Variants in TSPAN18 observed in about 807,000 individuals in gnomAD.
TSPAN18 encodes tetraspanin 18.
A neutral mutation model predicts 27.3 loss-of-function variants in TSPAN18; 14 were observed. That is an observed-to-expected ratio of 0.51 (90% CI 0.34 to 0.80). TSPAN18 has a LOEUF of 0.80. TSPAN18 is among the 30% of genes least tolerant of loss of function. TSPAN18 has a pLI of 0.01. For synonymous variants in TSPAN18, 143 were observed against 136.5 expected (o/e 1.05, Z -0.33); for missense variants, 268 against 323.9 (o/e 0.83, Z 1.32).
intron 2 of TSPAN18, among the ~76,000 whole-genome samples, chr11:44,780,363 G>C (rs1048403315): frequency 3.9e-5 from 6 of 152,228 alleles, no homozygotes; most frequent in Non-Finnish European, 5.9e-5. Flanking sequence ...CAGGGAGGAT[G>C]GGAAGGTTGA....
chr11:44,766,084 T>A (rs1483733393), intron 2 of TSPAN18, among the ~76,000 whole-genome samples: 1 of 152,242 alleles, frequency 6.6e-6, no homozygotes. Context: ...AATGGCATTT[T>A]CTATTTTGGC....
chr11:44,841,492 G>A (rs1170538883), intron 2 of TSPAN18, among the ~76,000 whole-genome samples: 1 of 147,150 alleles, frequency 6.8e-6, no homozygotes, highest in Non-Finnish European at 1.5e-5. Flanking sequence ...CTCCAGCCTG[G>A]GCAAGAGCAC....
chr11:44,896,560 G>A (rs1859060147), intron 3 of TSPAN18, among the ~76,000 whole-genome samples: 1 of 152,094 alleles, frequency 6.6e-6, no homozygotes, highest in Admixed American at 6.5e-5. Flanking sequence ...CCAAATAGGG[G>A]TGCCAGCTCC....
At chr11:44,912,936 T>TG (rs905906897) in intron 5 of TSPAN18, among the ~76,000 whole-genome samples, 3 of 151,138 alleles carry the variant, frequency 2.0e-5, no homozygotes, top group Admixed American at 6.6e-5. Flanking sequence ...GCATGGGGGT[T>TG]GGGGGGGTTC....
Position 44,840,226 on chromosome 11 carries a change from C to T in TSPAN18, c.-152-20102C>T, listed in dbSNP as rs368071921. Among the ~76,000 whole-genome samples, 11 of 152,246 alleles carry T rather than the reference C, an allele frequency of 7.2e-5. No homozygotes were observed. In the South Asian group the frequency reaches 1.9e-3, roughly 26 times the overall value. ...CTGAGCACTTAAGGAGACTGTTTGGCGAGGGCATGGCACAGTGCCTGGCCT... is the reference window on the plus strand; with the variant it reads ...CTGAGCACTTAAGGAGACTGTTTGGTGAGGGCATGGCACAGTGCCTGGCCT... On this transcript the variant is annotated intron_variant, in intron 2 of 9. Coordinates refer to ENST00000520358, the MANE Select transcript of TSPAN18 (RefSeq NM_130783.5).
At chr11:44,926,965 T>A (rs1860383436) in intron 9 of TSPAN18, among the ~76,000 whole-genome samples, 1 of 152,188 alleles carries the variant, frequency 6.6e-6, no homozygotes, top group Admixed American at 6.5e-5. Context: ...TGGGAGCCAG[T>A]GTCCCAGAAA....
chr11:44,927,196 T>C (rs1860392652), intron 9 of TSPAN18, among the ~76,000 whole-genome samples: 1 of 152,220 alleles, frequency 6.6e-6, no homozygotes, highest in South Asian at 2.1e-4. Context: ...AACGGTGGCC[T>C]TAGCCTCCTT....
rs115231643 is a variant in TSPAN18 at position 44,902,131 on chromosome 11, G to T, written c.-10-4276G>T. Among the ~76,000 whole-genome samples, 1,093 of 152,336 alleles carry T rather than the reference G, an allele frequency of 7.2e-3. 9 individuals are homozygous for T. Among genetic ancestry groups the T allele is most frequent in the African/African-American group, 0.025 (1,042 of 41,566 alleles). On this transcript the variant is annotated intron_variant, in intron 3 of 9. Transcript: ENST00000520358. The stretch of plus-strand genomic sequence containing the variant: ...TGGGTTTATGGTCTAACAGGGAACA[G>T]CAGGCCTATGAGTAACCTATGAAGG...
intron 2 of TSPAN18, among the ~76,000 whole-genome samples, chr11:44,813,587 T>A (rs957991715): frequency 6.6e-6 from 1 of 152,226 alleles, no homozygotes; most frequent in African/African-American, 2.4e-5. Context: ...AAGACCTCTA[T>A]GAACTGGCTT....
chr11:44,862,404 C>G (rs1052118453), intron 3 of TSPAN18, among the ~76,000 whole-genome samples: 2 of 152,252 alleles, frequency 1.3e-5, no homozygotes, highest in African/African-American at 4.8e-5. Context: ...GGCCCTCCCC[C>G]AGTCTCTCTC....
intron 2 of TSPAN18, among the ~76,000 whole-genome samples, chr11:44,773,286 C>T (rs977442633): frequency 3.3e-5 from 5 of 151,954 alleles, no homozygotes; most frequent in African/African-American, 1.2e-4. Context: ...CGTGGTGGCA[C>T]ATGCCTGTAA....
chr11:44,838,971 G>T (rs1261353541), intron 2 of TSPAN18, among the ~76,000 whole-genome samples: 2 of 152,116 alleles, frequency 1.3e-5, no homozygotes, highest in Non-Finnish European at 2.9e-5. Context: ...CCTCATCTAG[G>T]TATTGCTAGA....
chr11:44,741,379 T>C (rs1247023301), intron 1 of TSPAN18, among the ~76,000 whole-genome samples: 2 of 152,134 alleles, frequency 1.3e-5, no homozygotes, highest in African/African-American at 2.4e-5. Flanking sequence ...ATTTAAATAA[T>C]GGGCAATTTT....
intron 2 of TSPAN18, among the ~76,000 whole-genome samples, chr11:44,832,813 T>C (rs1857183790): frequency 6.6e-6 from 1 of 152,124 alleles, no homozygotes; most frequent in Non-Finnish European, 1.5e-5. Flanking sequence ...ACTTCACTTA[T>C]CCAGGTTCAC....
chr11:44,784,078 G>A (rs1465451234), intron 2 of TSPAN18, among the ~76,000 whole-genome samples: 2 of 152,262 alleles, frequency 1.3e-5, no homozygotes, highest in East Asian at 3.9e-4. Flanking sequence ...CTTGACTTGG[G>A]GGTAAAAATG....
intron 3 of TSPAN18, among the ~76,000 whole-genome samples, chr11:44,860,963 G>A (rs1222898308): frequency 6.6e-6 from 1 of 152,168 alleles, no homozygotes; most frequent in Non-Finnish European, 1.5e-5. Context: ...TTTAAAATTG[G>A]TTTCTAATAT....
Position 44,929,031 on chromosome 11 carries a change from G to A in TSPAN18, c.700-100G>A, listed in dbSNP as rs534751891. ...AATCCTTAGGGGAGGAGTGTGCTAA[G>A]AGTGACAGGCATTCACTCCCCTTCC... is the stretch of plus-strand genomic sequence containing the variant. On this transcript the variant is annotated intron_variant, in intron 9 of 9. Coordinates refer to ENST00000520358, the MANE Select transcript of TSPAN18 (RefSeq NM_130783.5). The A allele has an allele frequency of 3.4e-6, 5 of 1,449,946 alleles. No homozygotes were observed. The African/African-American group carries it at 4.2e-5, about 12-fold the overall frequency. 89.8% of individuals were successfully genotyped at this position (1,449,946 alleles called of 1,614,324 possible).
chr11:44,853,892 A>C (rs1214868174), intron 2 of TSPAN18, among the ~76,000 whole-genome samples: 2 of 152,172 alleles, frequency 1.3e-5, no homozygotes, highest in Non-Finnish European at 2.9e-5. Flanking sequence ...CCAGAAGATT[A>C]ATGAGAGGGC....
Position 44,931,029 on chromosome 11 carries a change from C to T in TSPAN18, c.*1851C>T. 2.2e-6 allele frequency: 1 copy of T among 456,276 alleles called. No homozygotes were observed. The allele number at this position is 456,276 out of a possible 1,614,324, so 28.3% of individuals were successfully genotyped here. On this transcript the variant is annotated 3_prime_UTR_variant, in exon 10 of 10. Coordinates refer to ENST00000520358, the MANE Select transcript of TSPAN18 (RefSeq NM_130783.5). ...TGAGATGCAGCCAGAAGCTCTGTGCCTGCTGCAAAGATTCAGGTGGACCCT... is the reference window on the plus strand; with the variant it reads ...TGAGATGCAGCCAGAAGCTCTGTGCTTGCTGCAAAGATTCAGGTGGACCCT...
Sources: allele counts gnomAD v4.1 joint callset (sites outside exome capture counted in the v4.1 genomes callset), GRCh38; gene constraint gnomAD v4.1.1; transcripts MANE v1.5; gene names NCBI Gene and HGNC (gene_info 2026-07-23, HGNC 2026-07-21).